GAD2: variants seen among roughly 807,000 people sequenced by gnomAD.
GAD2 encodes 65 kDa glutamic acid decarboxylase.
In GAD2, 22 loss-of-function variants were observed where a neutral mutation model predicts 80.1. That is an observed-to-expected ratio of 0.27 (90% CI 0.20 to 0.39). The LOEUF (loss-of-function observed/expected upper bound fraction) is 0.39. Ranked by LOEUF, GAD2 falls within the 10% of genes least tolerant of loss-of-function variation. GAD2 has a pLI of 1.00. For missense variants in GAD2, 624 were observed against 738.4 expected (o/e 0.85, Z 1.80); for synonymous variants, 274 against 256.9 (o/e 1.07, Z -0.64).
chr10:26,246,082 A>G (rs991052038), intron 8 of GAD2, 82 bp downstream of exon 8: 312 of 1,140,592 alleles, frequency 2.7e-4, no homozygotes, highest in Admixed American at 3.1e-4. Context: ...AAAATAGGAG[A>G]GGACCACGGG....
At chr10:26,224,677 T>C (rs1844499306) in intron 6 of GAD2, 26 bp downstream of exon 6, 2 of 1,527,252 alleles carry the variant, frequency 1.3e-6, no homozygotes, top group Non-Finnish European at 1.8e-6. Context: ...ACTTTCTTTG[T>C]GTTTTTTCTT....
At chr10:26,246,933 G>A (rs1375322780) in intron 8 of GAD2, among the ~76,000 whole-genome samples, 1 of 151,954 alleles carries the variant, frequency 6.6e-6, no homozygotes, top group Non-Finnish European at 1.5e-5. Flanking sequence ...GGAAAGGCAA[G>A]GGCAGTTACA....
chr10:26,278,089 A>C (rs776211713), intron 11 of GAD2, among the ~76,000 whole-genome samples: 8 of 151,896 alleles, frequency 5.3e-5, no homozygotes, highest in Non-Finnish European at 8.8e-5. Context: ...TCTGAGAGGG[A>C]GGTGGGACAG....
chr10:26,251,572 GTGTTAC>G (rs1844881115), intron 8 of GAD2, among the ~76,000 whole-genome samples: 1 of 152,186 alleles, frequency 6.6e-6, no homozygotes, highest in South Asian at 2.1e-4. Flanking sequence ...TCTATTTCTT[GTGTTAC>G]TGTTACGAAT....
rs1212141559 is a variant in GAD2 at position 26,301,454 on chromosome 10, T to C, written c.*493T>C. 2 of 152,208 alleles carry C rather than the reference T, an allele frequency of 1.3e-5. No individual in the cohort carries two copies. The highest frequency in any genetic ancestry group is 3.9e-4 in the East Asian group (2 of 5,192). The allele number at this position is 152,208 out of a possible 1,614,324, so 9.4% of individuals were successfully genotyped here. A position where few individuals can be genotyped will look rare whatever the true frequency, so the allele number is the denominator to read the frequency against. ...TCAAATGTATTTAAATACATATAAT[T>C]TTACAAAAGGAAAATATATATATTA... On this transcript the variant is annotated 3_prime_UTR_variant, in exon 16 of 16. Coordinates refer to ENST00000376261, the MANE Select transcript of GAD2 (RefSeq NM_001134366.2).
intron 15 of GAD2, among the ~76,000 whole-genome samples, chr10:26,300,401 A>T (rs1834316448): frequency 6.6e-6 from 1 of 152,198 alleles, no homozygotes; most frequent in Non-Finnish European, 1.5e-5. Context: ...CATTTTGGTA[A>T]CAATCCTCTG....
chr10:26,219,331 A>T (rs1589135794), intron 4 of GAD2, 55 bp downstream of exon 4: 1 of 1,154,110 alleles, frequency 8.7e-7, no homozygotes, highest in Non-Finnish European at 1.2e-6. Context: ...TTTTTATTTT[A>T]TTTTTTTCTA....
At chr10:26,270,448 T>C (rs796081904) in intron 9 of GAD2, among the ~76,000 whole-genome samples, 192 bp from the exon 10 acceptor site, 3 of 152,328 alleles carry the variant, frequency 2.0e-5, no homozygotes, top group African/African-American at 7.2e-5. Flanking sequence ...TCCAACAGCA[T>C]AGCCTAGAGA....
rs763916188 is a variant in GAD2 at position 26,300,974 on chromosome 10, C to CCAAG, written c.*15_*18dup. ...ACAAGATTTATAATAACCTTGCTCA[C>CCAAG]CAAGCTGTTCCACTTCTCTAGGTAG... On this transcript the variant is annotated 3_prime_UTR_variant, in exon 16 of 16. Coordinates refer to ENST00000376261, the MANE Select transcript of GAD2 (RefSeq NM_001134366.2). 2 of 1,605,164 alleles carry CCAAG rather than the reference C, an allele frequency of 1.2e-6. No homozygotes were observed. The highest frequency in any genetic ancestry group is 1.7e-6 in the Non-Finnish European group (2 of 1,172,326).
intron 4 of GAD2, among the ~76,000 whole-genome samples, chr10:26,221,947 G>T (rs968753009): frequency 6.6e-6 from 1 of 152,116 alleles, no homozygotes; most frequent in Non-Finnish European, 1.5e-5. Context: ...GCCTTGATTT[G>T]CTGGGCAGCC....
rs1844389131 is a variant in GAD2 at position 26,217,439 on chromosome 10, C to T, written c.77-171C>T. Among the ~76,000 whole-genome samples the T allele has an allele frequency of 6.6e-6, 1 of 152,148 alleles. No individual in the cohort carries two copies. The highest frequency in any genetic ancestry group is 2.4e-5 in the African/African-American group (1 of 41,430). The stretch of plus-strand genomic sequence containing the variant: ...AGGGCTGGCCCGGGCCGCCAGCCTC[C>T]CGCTTGCCTTCTGCACCTGCCGGCC... On this transcript the variant is annotated intron_variant, in intron 1 of 15. Transcript: ENST00000376261. The surrounding 1 kb of genome is among the most constrained non-coding windows in gnomAD (Gnocchi z 4.9).
At chr10:26,216,480 C>T (rs1377450987), upstream of GAD2, 12 of 206,014 alleles carry the variant, frequency 5.8e-5, 1 homozygote, top group Non-Finnish European at 7.6e-5. This position sits in a 1 kb window ranked among gnomAD's most constrained non-coding sequence, Gnocchi z 4.7. Flanking sequence ...CCCCACTGGG[C>T]TCCCTTTCCC....
intron 15 of GAD2, among the ~76,000 whole-genome samples, chr10:26,296,654 G>C (rs1834276134): frequency 6.6e-6 from 1 of 152,204 alleles, no homozygotes; most frequent in African/African-American, 2.4e-5. Flanking sequence ...TACCAAACAA[G>C]AATCAAAAGG....
intron 8 of GAD2, among the ~76,000 whole-genome samples, chr10:26,247,210 A>G (rs1844820264): frequency 6.6e-6 from 1 of 152,186 alleles, no homozygotes; most frequent in African/African-American, 2.4e-5. Context: ...CCCTTTTTAG[A>G]CCATATAGAG....
In GAD2 at chr10:26,217,689, G is replaced by A. The variant is rs1162672157; in HGVS notation, c.136+20G>A. 1.9e-6 allele frequency: 3 copies of A among 1,612,210 alleles called. No homozygotes were observed. Among genetic ancestry groups the A allele is most frequent in the African/African-American group, 2.7e-5 (2 of 74,934 alleles). On this transcript the variant is annotated intron_variant, in intron 2 of 15. Coordinates refer to ENST00000376261, the MANE Select transcript of GAD2 (RefSeq NM_001134366.2). The surrounding 1 kb of genome is among the most constrained non-coding windows in gnomAD (Gnocchi z 4.9). ...TGTGCGGTGAGTGCCCAGGGACCGG[G>A]GCGGCCAAGGTCGGCCCGCGGGGTC...
intron 4 of GAD2, among the ~76,000 whole-genome samples, chr10:26,223,195 G>A (rs1844475243): frequency 6.6e-6 from 1 of 152,146 alleles, no homozygotes; most frequent in Non-Finnish European, 1.5e-5. Flanking sequence ...ACTGTATGTG[G>A]CCTTATTTTA....
At chr10:26,259,492 A>G (rs1306174283) in intron 8 of GAD2, among the ~76,000 whole-genome samples, 1 of 151,180 alleles carries the variant, frequency 6.6e-6, no homozygotes, top group East Asian at 1.9e-4. Context: ...TTTTTTTTTC[A>G]TGTGCTTAGT....
At chr10:26,268,317 A>C (rs1445345517) in intron 8 of GAD2, among the ~76,000 whole-genome samples, 2 of 152,044 alleles carry the variant, frequency 1.3e-5, no homozygotes, top group African/African-American at 4.8e-5. Flanking sequence ...AAATACAAAA[A>C]ATTAGCCAGG....
At chr10:26,288,480 G>A (rs1834173819) in intron 13 of GAD2, among the ~76,000 whole-genome samples, 1 of 152,108 alleles carries the variant, frequency 6.6e-6, no homozygotes, top group Non-Finnish European at 1.5e-5. Context: ...CCACCTAGTG[G>A]GAGACTCATT....
Sources: gnomAD v4.1 joint callset for allele counts (sites outside exome capture counted in the v4.1 genomes callset) on GRCh38, gnomAD v4.1.1 for gene constraint, Gnocchi (gnomAD v3.1) non-coding constraint, MANE v1.5 for transcripts, NCBI Gene and HGNC (gene_info 2026-07-23, HGNC 2026-07-21) for gene names.